PHOSPHO2: variants seen among roughly 807,000 people sequenced by gnomAD.
PHOSPHO2 encodes pyridoxal phosphate phosphatase PHOSPHO2.
In PHOSPHO2, 14 loss-of-function variants were observed where a neutral mutation model predicts 16.4. The ratio of observed to expected loss-of-function variants is 0.85; its 90% confidence interval spans 0.56 to 1.33. The LOEUF (loss-of-function observed/expected upper bound fraction) is 1.33, where lower values mean the gene tolerates loss of function less well. Ranked by LOEUF, PHOSPHO2 falls within the 40% of genes most tolerant of loss-of-function variation. The pLI is 0.00. For synonymous variants in PHOSPHO2, 85 were observed against 90.5 expected, an observed-to-expected ratio of 0.94 and a Z score of 0.34; for missense variants, 246 against 282.5, an observed-to-expected ratio of 0.87 and a Z score of 0.93.
At chr2:169,700,183 C>G (rs149950762) in intron 3 of PHOSPHO2, among the ~76,000 whole-genome samples, 5,325 of 152,210 alleles carry the variant, frequency 0.035, 308 homozygotes, top group African/African-American at 0.12. Flanking sequence ...TGTGCAGAAG[C>G]TCTTTAGTTT....
In PHOSPHO2 at chr2:169,701,305, G is replaced by T. The variant is rs770332213; in HGVS notation, c.334G>T (p.Ala112Ser). The change falls in exon 4 of 4, where the codon GCC (alanine) becomes TCC (serine). Residue 112 changes from alanine to serine, a missense_variant. Coordinates refer to ENST00000359744, the MANE Select transcript of PHOSPHO2 (RefSeq NM_001008489.4). Reference sequence around the variant, plus strand: ...CTTCATAGATTGGGTTTTAGAAGCTGCCAGTTTTCATGACATATTTGATAA... The same window carrying T: ...CTTCATAGATTGGGTTTTAGAAGCTTCCAGTTTTCATGACATATTTGATAA... Reference protein sequence around the residue: ...SVFIDWVLEAASFHDIFDKVF... With the variant: ...SVFIDWVLEASSFHDIFDKVF... 4 of 1,612,370 alleles carry T rather than the reference G, an allele frequency of 2.5e-6. No homozygotes were observed. The highest frequency in any genetic ancestry group is 2.7e-5 in the African/African-American group (2 of 74,932).
intron 1 of PHOSPHO2, 68 bp downstream of exon 1, chr2:169,694,690 G>C (rs954404887): frequency 2.6e-6 from 1 of 385,998 alleles, no homozygotes; most frequent in Non-Finnish European, 5.0e-6. Context: ...GCTCCCCATG[G>C]GGGACGACCC....
rs762367184 is a variant in PHOSPHO2, at chr2:169,701,219, A to G, written c.248A>G (p.Asn83Ser). 1.9e-6 allele frequency: 3 copies of G among 1,614,052 alleles called. No homozygotes were observed. The highest frequency in any genetic ancestry group is 2.5e-6 in the Non-Finnish European group (3 of 1,179,980). ...PFTPGMVELFNFIRKNKDKFD... is the reference protein window; with the variant it reads ...PFTPGMVELFSFIRKNKDKFD... ...ACTCCAGGGATGGTGGAACTCTTCAACTTTATAAGAAAGAATAAGGATAAA... is the reference window on the plus strand; with the variant it reads ...ACTCCAGGGATGGTGGAACTCTTCAGCTTTATAAGAAAGAATAAGGATAAA... The change falls in exon 4 of 4, where the codon AAC becomes AGC. Residue 83 changes from asparagine to serine, a missense_variant. By Grantham distance (46) the Asn-to-Ser change is conservative. Coordinates refer to ENST00000359744, the MANE Select transcript of PHOSPHO2 (RefSeq NM_001008489.4).
Position 169,694,495 on chromosome 2 carries a change from G to A in PHOSPHO2, c.-358G>A. Reference sequence around the variant, plus strand: ...CAGTTGGCGGTCGGGCTAGAGAAGAGAGGCGCCTGCGCTTGCGAGCTGGGC... The same window carrying A: ...CAGTTGGCGGTCGGGCTAGAGAAGAAAGGCGCCTGCGCTTGCGAGCTGGGC... On this transcript the variant is annotated 5_prime_UTR_variant, in exon 1 of 4. Coordinates refer to ENST00000359744, the MANE Select transcript of PHOSPHO2 (RefSeq NM_001008489.4). 2 of 688,498 alleles carry A rather than the reference G, an allele frequency of 2.9e-6. No homozygotes were observed. The highest frequency in any genetic ancestry group is 5.4e-5 in the East Asian group (2 of 37,076). 42.6% of individuals were successfully genotyped at this position (688,498 alleles called of 1,614,324 possible).
intron 2 of PHOSPHO2, among the ~76,000 whole-genome samples, chr2:169,696,175 G>C (rs1687524251): frequency 6.6e-6 from 1 of 152,178 alleles, no homozygotes; most frequent in Non-Finnish European, 1.5e-5. Flanking sequence ...GCTCCAACCT[G>C]TGGATTGTCA....
Position 169,694,569 on chromosome 2 carries a change from C to A in PHOSPHO2, c.-284C>A. On this transcript the variant is annotated 5_prime_UTR_variant, in exon 1 of 4. In the 5' UTR this introduces an upstream ATG that the reference lacks. Transcript: ENST00000359744. The stretch of plus-strand genomic sequence containing the variant: ...GCAGGCGTGGGGCGAGGCCAAAGGA[C>A]TGAACCCGCAGGAGCGTCACGGGCG... 1.7e-6 allele frequency: 1 copy of A among 585,440 alleles called. No homozygotes were observed. The highest frequency in any genetic ancestry group is 3.1e-6 in the Non-Finnish European group (1 of 327,202). The allele number at this position is 585,440 out of a possible 1,614,324, so 36.3% of individuals were successfully genotyped here.
chr2:169,694,650 C>G (rs1033242450), intron 1 of PHOSPHO2, 28 bp downstream of exon 1: 10 of 460,238 alleles, frequency 2.2e-5, no homozygotes, highest in Non-Finnish European at 4.0e-5. Context: ...GGGCCCCCGC[C>G]CTGCCTGCTA....
In PHOSPHO2 at chr2:169,701,218, A is replaced by T; in HGVS notation, c.247A>T (p.Asn83Tyr). 6.2e-7 allele frequency: 1 copy of T among 1,614,056 alleles called. No homozygotes were observed. The highest frequency in any genetic ancestry group is 8.5e-7 in the Non-Finnish European group (1 of 1,179,974). The part of the protein sequence containing the change: ...PFTPGMVELF[N>Y]FIRKNKDKFD... Reference sequence around the variant, plus strand: ...CACTCCAGGGATGGTGGAACTCTTCAACTTTATAAGAAAGAATAAGGATAA... The same window carrying T: ...CACTCCAGGGATGGTGGAACTCTTCTACTTTATAAGAAAGAATAAGGATAA... Residue 83 changes from asparagine to tyrosine, a missense_variant, in exon 4 of 4, where the codon AAC becomes TAC. Physicochemically the swap from Asn to Tyr is moderately radical, Grantham distance 143. Transcript: ENST00000359744.
At chr2:169,699,636 C>T (rs985208636) in intron 3 of PHOSPHO2, among the ~76,000 whole-genome samples, 4 of 152,150 alleles carry the variant, frequency 2.6e-5, no homozygotes, top group African/African-American at 9.7e-5. Flanking sequence ...TTAATTTACA[C>T]TCCTACCAAC....
intron 3 of PHOSPHO2, chr2:169,697,984 T>G (rs543713326): frequency 6.6e-6 from 1 of 152,274 alleles, no homozygotes; most frequent in African/African-American, 2.4e-5. Flanking sequence ...ACACAACAGG[T>G]GATACCCCTA....
At chr2:169,700,482 C>T (rs1687713835) in intron 3 of PHOSPHO2, among the ~76,000 whole-genome samples, 1 of 151,882 alleles carries the variant, frequency 6.6e-6, no homozygotes, top group Admixed American at 6.6e-5. Flanking sequence ...TTACTAAATA[C>T]CTTTTCTTAA....
In PHOSPHO2 at chr2:169,697,153, C is replaced by G. The variant is rs552216657; in HGVS notation, c.-197-208C>G. On this transcript the variant is annotated intron_variant, in intron 2 of 3. Transcript: ENST00000359744. Reference sequence around the variant, plus strand: ...GCCTCAGTCTCCCAAGTAGCTAGGACTACAGGTGCCCGCCACCACGCCCAG... The same window carrying G: ...GCCTCAGTCTCCCAAGTAGCTAGGAGTACAGGTGCCCGCCACCACGCCCAG... Among the ~76,000 whole-genome samples the G allele has an allele frequency of 8.5e-5, 13 of 152,078 alleles. No homozygotes were observed. In the South Asian group the frequency reaches 2.7e-3, roughly 32 times the overall value.
rs116192730 is a variant in PHOSPHO2 at position 169,696,777 on chromosome 2, A to G, written c.-197-584A>G. 3.9e-3 allele frequency among the ~76,000 whole-genome samples: 591 copies of G among 152,336 alleles called. 3 individuals carry two copies. Among genetic ancestry groups the G allele is most frequent in the African/African-American group, 0.013 (532 of 41,570 alleles). ...ATTTCTAGTACAGCACTAAATGTCT[A>G]TTGACAACAGAATGTGGAACTCCTC... On this transcript the variant is annotated intron_variant, in intron 2 of 3. Coordinates refer to ENST00000359744, the MANE Select transcript of PHOSPHO2 (RefSeq NM_001008489.4).
chr2:169,697,036 C>T (rs12623396), intron 2 of PHOSPHO2, among the ~76,000 whole-genome samples: 1 of 149,188 alleles, frequency 6.7e-6, no homozygotes. Context: ...TTTTTTTTGA[C>T]ACGGAGTCTC....
intron 3 of PHOSPHO2, 35 bp from the exon 4 acceptor site, chr2:169,700,911 A>C: frequency 6.7e-7 from 1 of 1,492,564 alleles, no homozygotes; most frequent in Non-Finnish European, 8.9e-7. Context: ...ATGTAAACAG[A>C]GTTTGTTTAG....
rs1320249967 is a variant in PHOSPHO2 at position 169,701,303 on chromosome 2, C to G, written c.332C>G (p.Ala111Gly). 1 of 1,612,484 alleles carries G rather than the reference C, an allele frequency of 6.2e-7. No individual in the cohort carries two copies. ...NSVFIDWVLE[A>G]ASFHDIFDKV... ...GTCTTCATAGATTGGGTTTTAGAAGCTGCCAGTTTTCATGACATATTTGAT... is the reference window on the plus strand; with the variant it reads ...GTCTTCATAGATTGGGTTTTAGAAGGTGCCAGTTTTCATGACATATTTGAT... Residue 111 changes from alanine to glycine, a missense_variant, in exon 4 of 4, where the codon GCT becomes GGT. Transcript: ENST00000359744.
At chr2:169,699,913 T>C (rs1687687419) in intron 3 of PHOSPHO2, among the ~76,000 whole-genome samples, 1 of 152,194 alleles carries the variant, frequency 6.6e-6, no homozygotes, top group Non-Finnish European at 1.5e-5. Context: ...AAGTTCCTTA[T>C]CAAGGAACTA....
Position 169,700,936 on chromosome 2 carries a change from T to C in PHOSPHO2, c.-26-10T>C. The C allele has an allele frequency of 6.5e-7, 1 of 1,542,616 alleles. No homozygotes were observed. The highest frequency in any genetic ancestry group is 8.7e-7 in the Non-Finnish European group (1 of 1,153,368). ...AGTTTGTTTAGGGAATAATATTTCT[T>C]CTTTTTCAGGGTAATCCAAATCTAT... On this transcript the variant is annotated splice_polypyrimidine_tract_variant and intron_variant, in intron 3 of 3. Transcript: ENST00000359744.
intron 3 of PHOSPHO2, 48 bp from the exon 4 acceptor site, chr2:169,700,898 G>C (rs1687729586): frequency 6.9e-7 from 1 of 1,444,730 alleles, no homozygotes; most frequent in Admixed American, 2.3e-5. Context: ...ATTTTAGCTA[G>C]ATATGTAAAC....
Sources: allele counts gnomAD v4.1 joint callset (sites outside exome capture counted in the v4.1 genomes callset), GRCh38; gene constraint gnomAD v4.1.1; transcripts MANE v1.5; gene names NCBI Gene and HGNC (gene_info 2026-07-23, HGNC 2026-07-21).